The following SEMA3B variants were observed in gnomAD, a reference collection of about 807,000 sequenced individuals.
The protein encoded by SEMA3B is semaphorin-3B.
In SEMA3B, 71 loss-of-function variants were observed where a neutral mutation model predicts 77.8. The ratio of observed to expected loss-of-function variants is 0.91; its 90% CI spans 0.75 to 1.11. SEMA3B has a LOEUF of 1.11. SEMA3B is among the 50% of genes most tolerant of loss of function. The pLI is 0.00. For missense variants in SEMA3B, 968 were observed against 1,056.8 expected (o/e 0.92, Z 1.17); for synonymous variants, 470 against 452.9 (o/e 1.04, Z -0.48).
chr3:50,273,171 G>A lies in SEMA3B; in HGVS notation c.665-127G>A, dbSNP rs907652431. 7.3e-7 allele frequency: 1 copy of A among 1,375,146 alleles called. No individual in the cohort carries two copies. Among genetic ancestry groups the A allele is most frequent in the African/African-American group, 1.5e-5 (1 of 68,576 alleles). The allele number at this position is 1,375,146 out of a possible 1,614,324, so 85.2% of individuals were successfully genotyped here. On this transcript the variant is annotated intron_variant, in intron 6 of 16. Coordinates refer to ENST00000616701, the MANE Select transcript of SEMA3B (RefSeq NM_001290060.2). The surrounding 1 kb of genome is among the most constrained non-coding windows in gnomAD (Gnocchi z 6.5). Reference sequence around the variant, plus strand: ...AGCGCCAACTGGACATGGTGCTAGAGGTTGGGTGGTCAGACACTGTGATCC... The same window carrying A: ...AGCGCCAACTGGACATGGTGCTAGAAGTTGGGTGGTCAGACACTGTGATCC...
Position 50,270,043 on chromosome 3 carries a change from T to C in SEMA3B, c.110-84T>C. The C allele has an allele frequency of 1.4e-6, 2 of 1,413,706 alleles. No individual in the cohort carries two copies. Among genetic ancestry groups the C allele is most frequent in the Non-Finnish European group, 1.9e-6 (2 of 1,072,490 alleles). 87.6% of individuals were successfully genotyped at this position (1,413,706 alleles called of 1,614,324 possible). ...ACAGGCCAGGTCCTAATGGCAACCT[T>C]GGCCGATAGAGTCACCACCAGGCAG... On this transcript the variant is annotated intron_variant, in intron 1 of 16. Coordinates refer to ENST00000616701, the MANE Select transcript of SEMA3B (RefSeq NM_001290060.2). This position sits in a 1 kb window ranked among gnomAD's most constrained non-coding sequence, Gnocchi z 4.7.
upstream of SEMA3B, among the ~76,000 whole-genome samples, chr3:50,266,398 T>C (rs74859335): frequency 3.1e-3 from 470 of 152,268 alleles, 3 homozygotes; most frequent in African/African-American, 0.011. Flanking sequence ...CCCCTGTTAT[T>C]TACCTGCCAG....
Position 50,274,174 on chromosome 3 carries a change from G to C in SEMA3B, c.1137+117G>C. 1 of 1,489,654 alleles carries C rather than the reference G, an allele frequency of 6.7e-7. No homozygotes were observed. Among genetic ancestry groups the C allele is most frequent in the Non-Finnish European group, 9.1e-7 (1 of 1,100,778 alleles). 92.3% of individuals were successfully genotyped at this position (1,489,654 alleles called of 1,614,324 possible). ...TTCCTTTAGTTATGGGTGGGAAAAC[G>C]TTTCCATCATAAGACAAGGCTTGTT... On this transcript the variant is annotated intron_variant, in intron 10 of 16. Transcript: ENST00000616701. This position sits in a 1 kb window ranked among gnomAD's most constrained non-coding sequence, Gnocchi z 4.7.
Position 50,274,329 on chromosome 3 carries a change from A to G in SEMA3B, c.1138-34A>G. 2.7e-6 allele frequency: 4 copies of G among 1,454,954 alleles called. No homozygotes were observed. The highest frequency in any genetic ancestry group is 3.7e-6 in the Non-Finnish European group (4 of 1,086,434). 90.1% of individuals were successfully genotyped at this position (1,454,954 alleles called of 1,614,324 possible). The stretch of plus-strand genomic sequence containing the variant: ...CTGCCTATCAAGCCCCCATATCTAT[A>G]TCCCTGCTGTGCCTCCCTTTCCCCC... On this transcript the variant is annotated intron_variant, in intron 10 of 16. Transcript: ENST00000616701. This position sits in a 1 kb window ranked among gnomAD's most constrained non-coding sequence, Gnocchi z 4.7.
At chr3:50,266,041 T>TACCGTTTCCCAG (rs1407559861), upstream of SEMA3B, among the ~76,000 whole-genome samples, 6 of 151,856 alleles carry the variant, frequency 4.0e-5, no homozygotes, top group African/African-American at 1.5e-4. Context: ...GGGTTTCTGA[T>TACCGTTTCCCAG]ACCGTTTCCC....
In SEMA3B at chr3:50,273,811, C is replaced by T; in HGVS notation, c.975C>T (p.Ala325=). ...SRDHRTPLLY[A]VFSTSSSIFQ... is the part of the protein sequence containing the mutation. ...ACCACCGGACCCCGCTGCTCTATGCCGTCTTCTCCACGTCCAGGTGAGGGG... is the reference window on the plus strand; with the variant it reads ...ACCACCGGACCCCGCTGCTCTATGCTGTCTTCTCCACGTCCAGGTGAGGGG... Residue 325 remains alanine, a synonymous_variant, in exon 9 of 17, where the codon GCC becomes GCT. Transcript: ENST00000616701. The surrounding 1 kb of genome is among the most constrained non-coding windows in gnomAD (Gnocchi z 6.5). 1.3e-6 allele frequency: 2 copies of T among 1,583,132 alleles called. No homozygotes were observed. Among genetic ancestry groups the T allele is most frequent in the Admixed American group, 1.8e-5 (1 of 55,712 alleles).
In SEMA3B at chr3:50,273,214, C is replaced by T. The variant is rs896142782; in HGVS notation, c.665-84C>T. On this transcript the variant is annotated intron_variant, in intron 6 of 16. Transcript: ENST00000616701. The surrounding 1 kb of genome is among the most constrained non-coding windows in gnomAD (Gnocchi z 6.5). ...TGTGATCCCGGGTGCTGTGCCCGCA[C>T]TACGGGAAGGGGAAGCAGCGCGTGG... is the stretch of plus-strand genomic sequence containing the variant. The T allele has an allele frequency of 2.6e-6, 4 of 1,514,320 alleles. No individual in the cohort carries two copies. Among genetic ancestry groups the T allele is most frequent in the Non-Finnish European group, 3.6e-6 (4 of 1,126,136 alleles). 93.8% of individuals were successfully genotyped at this position (1,514,320 alleles called of 1,614,324 possible).
chr3:50,267,472 C>G (rs1553704631), upstream of SEMA3B: 1 of 152,352 alleles, frequency 6.6e-6, no homozygotes, highest in African/African-American at 2.4e-5. The surrounding 1 kb of genome is among the most constrained non-coding windows in gnomAD (Gnocchi z 5.7). Context: ...TCCCTACCAG[C>G]CCCTCCCTTG....
Position 50,276,834 on chromosome 3 carries a change from C to T in SEMA3B, c.*128C>T, listed in dbSNP as rs1701274180. 1.8e-6 allele frequency: 2 copies of T among 1,141,894 alleles called. No individual in the cohort carries two copies. The highest frequency in any genetic ancestry group is 2.3e-6 in the Non-Finnish European group (2 of 856,764). The allele number at this position is 1,141,894 out of a possible 1,614,324, so 70.7% of individuals were successfully genotyped here. A position where few individuals can be genotyped will look rare whatever the true frequency, so the allele number is the denominator to read the frequency against. On this transcript the variant is annotated 3_prime_UTR_variant, in exon 17 of 17. Transcript: ENST00000616701. This position sits in a 1 kb window ranked among gnomAD's most constrained non-coding sequence, Gnocchi z 5.8. Reference sequence around the variant, plus strand: ...GTCACCGGCCGATGGAGACACCAACCGACAGGCCCTGGCTGAGGGCAGCTG... The same window carrying T: ...GTCACCGGCCGATGGAGACACCAACTGACAGGCCCTGGCTGAGGGCAGCTG...
chr3:50,263,401 AGGT>A (rs1306804597), upstream of SEMA3B: 1 of 134,338 alleles, frequency 7.4e-6, no homozygotes, highest in Non-Finnish European at 1.5e-5. Context: ...CGGGAGGCTG[AGGT>A]GGGGGGATCA....
At chr3:50,272,130 C>A (rs1701070094) in intron 6 of SEMA3B, among the ~76,000 whole-genome samples, 1 of 152,016 alleles carries the variant, frequency 6.6e-6, no homozygotes, top group African/African-American at 2.4e-5. Flanking sequence ...TAGCTGGGGG[C>A]AGTGGCATGC....
At position 50,273,496 on chromosome 3, in the gene SEMA3B, C is replaced by A; in HGVS notation, c.811-39C>A. 1.2e-6 allele frequency: 2 copies of A among 1,609,356 alleles called. No individual in the cohort carries two copies. The highest frequency in any genetic ancestry group is 8.5e-7 in the Non-Finnish European group (1 of 1,176,724). ...GACCCTGCCCCTACCCCTTTGCCTG[C>A]CCTGGTCTCGCCCTCATCCCCTTTG... is the stretch of plus-strand genomic sequence containing the variant. On this transcript the variant is annotated intron_variant, in intron 7 of 16. Coordinates refer to ENST00000616701, the MANE Select transcript of SEMA3B (RefSeq NM_001290060.2). The surrounding 1 kb of genome is among the most constrained non-coding windows in gnomAD (Gnocchi z 6.5).
In SEMA3B at chr3:50,275,190, A is replaced by G; in HGVS notation, c.1492-112A>G. The stretch of plus-strand genomic sequence containing the variant: ...TGGCTTTGTTAGACTGTGTGACCTG[A>G]GGCGTAAGACCTCAGTGTTCCCATC... On this transcript the variant is annotated intron_variant, in intron 13 of 16. Coordinates refer to ENST00000616701, the MANE Select transcript of SEMA3B (RefSeq NM_001290060.2). The surrounding 1 kb of genome is among the most constrained non-coding windows in gnomAD (Gnocchi z 7.5). 6.9e-7 allele frequency: 1 copy of G among 1,457,418 alleles called. No homozygotes were observed. The highest frequency in any genetic ancestry group is 9.1e-7 in the Non-Finnish European group (1 of 1,098,674). The allele number at this position is 1,457,418 out of a possible 1,614,324, so 90.3% of individuals were successfully genotyped here.
At position 50,274,723 on chromosome 3, in the gene SEMA3B, C is replaced by G; in HGVS notation, c.1358-120C>G. The G allele has an allele frequency of 7.1e-7, 1 of 1,399,492 alleles. No homozygotes were observed. The highest frequency in any genetic ancestry group is 9.8e-7 in the Non-Finnish European group (1 of 1,016,646). 86.7% of individuals were successfully genotyped at this position (1,399,492 alleles called of 1,614,324 possible). A position where few individuals can be genotyped will look rare whatever the true frequency, so the allele number is the denominator to read the frequency against. On this transcript the variant is annotated intron_variant, in intron 11 of 16. Transcript: ENST00000616701. This position sits in a 1 kb window ranked among gnomAD's most constrained non-coding sequence, Gnocchi z 4.7. ...CTGTGGATGCTGCCCAACCCACACT[C>G]TTCCAGTCCACACTCTTCACAACCC...
Position 50,273,974 on chromosome 3 carries a change from T to C in SEMA3B, c.1054T>C (p.Leu352=), listed in dbSNP as rs781835353. ...CATGAACGACGTGCGCCGGGCCTTC[T>C]TGGGACCCTTTGCACACAAGGAGGG... ...YSMNDVRRAF[L]GPFAHKEGPM... is the part of the protein sequence containing the mutation. The change falls in exon 10 of 17, where the codon TTG becomes CTG. Residue 352 remains leucine (L), a synonymous_variant. Transcript: ENST00000616701. The surrounding 1 kb of genome is among the most constrained non-coding windows in gnomAD (Gnocchi z 6.5). The C allele has an allele frequency of 1.2e-5, 20 of 1,613,710 alleles. No homozygotes were observed. Among genetic ancestry groups the C allele is most frequent in the East Asian group, 8.9e-5 (4 of 44,882 alleles).
rs1553706365 is a variant in SEMA3B at position 50,275,403 on chromosome 3, C to A, written c.1593C>A (p.Asp531Glu). The change falls in exon 14 of 17, where the codon GAC becomes GAA. Residue 531 changes from aspartate (D) to glutamate (E), a missense_variant. Coordinates refer to ENST00000616701, the MANE Select transcript of SEMA3B (RefSeq NM_001290060.2). This position sits in a 1 kb window ranked among gnomAD's most constrained non-coding sequence, Gnocchi z 7.5. ...GCACCGAATGCTGTCTGGCGCGTGA[C>A]CCCTACTGCGCCTGGGACGGGGTCG... ...RVCTECCLAR[D>E]PYCAWDGVAC... 6 of 1,597,580 alleles carry A rather than the reference C, an allele frequency of 3.8e-6. No individual in the cohort carries two copies. The highest frequency in any genetic ancestry group is 5.1e-6 in the Non-Finnish European group (6 of 1,172,636).
In SEMA3B at chr3:50,274,561, G is replaced by A. The variant is rs1701163700; in HGVS notation, c.1336G>A (p.Asp446Asn). Residue 446 changes from aspartate to asparagine, a missense_variant, in exon 11 of 17, where the codon GAC becomes AAC. By Grantham distance (23) the Asp-to-Asn change is conservative. Transcript: ENST00000616701. This position sits in a 1 kb window ranked among gnomAD's most constrained non-coding sequence, Gnocchi z 4.7. ...GGTTGCAGCCGCTGACGGACACTAT[G>A]ACGTCCTCTTCATTGGCACAGGTCA... Reference protein sequence around the residue: ...DRVAAADGHYDVLFIGTDVGT... With the variant: ...DRVAAADGHYNVLFIGTDVGT... The A allele has an allele frequency of 1.3e-6, 2 of 1,546,032 alleles. No homozygotes were observed. The highest frequency in any genetic ancestry group is 2.5e-5 in the South Asian group (2 of 79,418).
At position 50,277,058 on chromosome 3, in the gene SEMA3B, A is replaced by C; in HGVS notation, c.*352A>C. On this transcript the variant is annotated 3_prime_UTR_variant, in exon 17 of 17. Transcript: ENST00000616701. The stretch of plus-strand genomic sequence containing the variant: ...CTTGGGTAGTGAGCAGTGAGCAGAA[A>C]GCTGTGAACAGGCTGGGCTGCTGGA... 3.4e-6 allele frequency: 1 copy of C among 293,918 alleles called. No homozygotes were observed. Among genetic ancestry groups the C allele is most frequent in the Non-Finnish European group, 6.3e-6 (1 of 158,930 alleles). 18.2% of individuals were successfully genotyped at this position (293,918 alleles called of 1,614,324 possible). A position where few individuals can be genotyped will look rare whatever the true frequency, so the allele number is the denominator to read the frequency against.
At chr3:50,271,314 C>T in intron 5 of SEMA3B, 47 bp from the exon 6 acceptor site, 1 of 1,552,732 alleles carries the variant, frequency 6.4e-7, no homozygotes, top group East Asian at 2.4e-5. Flanking sequence ...GGCCCTCCTG[C>T]CCCAAGAGCC....
Sources: gnomAD v4.1 joint callset for allele counts (sites outside exome capture counted in the v4.1 genomes callset) on GRCh38, gnomAD v4.1.1 for gene constraint, Gnocchi (gnomAD v3.1) non-coding constraint, MANE v1.5 for transcripts, NCBI Gene and HGNC (gene_info 2026-07-23, HGNC 2026-07-21) for gene names.